The following FANCM variants were observed in gnomAD, a reference collection of about 807,000 sequenced individuals.
FANCM encodes the protein Fanconi anemia group M protein.
Under a neutral mutation model 199.5 loss-of-function variants are expected in FANCM, and 140 were observed. The observed-to-expected ratio is 0.70, with a 90% confidence interval of 0.61 to 0.81. FANCM has a LOEUF of 0.81. FANCM is among the 30% of genes least tolerant of loss of function. The pLI, the probability that FANCM is intolerant of heterozygous loss-of-function variation, is 0.00. For missense variants in FANCM, 2,410 were observed against 2,421.4 expected (o/e 1.00, Z 0.10); for synonymous variants, 840 against 836.8 (o/e 1.00, Z -0.07).
At chr14:45,137,283 T>A in intron 2 of FANCM, 42 bp downstream of exon 2, 1 of 1,558,436 alleles carries the variant, frequency 6.4e-7, no homozygotes, top group Non-Finnish European at 8.8e-7. Context: ...GTAACTGTAC[T>A]GTTAAAGAGA....
chr14:45,136,967 A>T, intron 1 of FANCM, 102 bp from the exon 2 acceptor site: 1 of 891,962 alleles, frequency 1.1e-6, no homozygotes, highest in Non-Finnish European at 1.8e-6. Flanking sequence ...TTTTTCTCTT[A>T]ATGTTACCAA....
intron 2 of FANCM, among the ~76,000 whole-genome samples, chr14:45,140,428 C>T (rs534415675): frequency 1.3e-5 from 2 of 152,236 alleles, no homozygotes; most frequent in African/African-American, 4.8e-5. Flanking sequence ...TAGAAGAAGC[C>T]CTACTGTGTT....
chr14:45,185,423 T>C (rs1297441186), intron 18 of FANCM, 50 bp downstream of exon 18: 1 of 1,055,234 alleles, frequency 9.5e-7, no homozygotes, highest in Non-Finnish European at 1.4e-6. Flanking sequence ...TTTATGTGCT[T>C]ATATTTAAAT....
chr14:45,138,811 T>C (rs959114458), intron 2 of FANCM, among the ~76,000 whole-genome samples: 3 of 152,204 alleles, frequency 2.0e-5, no homozygotes, highest in East Asian at 1.9e-4. Context: ...TTACACCGCA[T>C]TGAATATTCC....
intron 1 of FANCM, among the ~76,000 whole-genome samples, chr14:45,136,824 C>T (rs1464644493): frequency 1.3e-5 from 2 of 152,164 alleles, no homozygotes; most frequent in African/African-American, 2.4e-5. Flanking sequence ...GAAGAATTTG[C>T]CTCTCTTCAA....
At position 45,136,366 on chromosome 14, in the gene FANCM, C is replaced by T. The variant is rs1192077145; in HGVS notation, c.335C>T (p.Pro112Leu). 1 of 1,614,168 alleles carries T rather than the reference C, an allele frequency of 6.2e-7. No individual in the cohort carries two copies. The highest frequency in any genetic ancestry group is 1.7e-5 in the Admixed American group (1 of 60,020). Reference protein sequence around the residue: ...ALFCNTLVCLPTGLGKTFIAA... With the variant: ...ALFCNTLVCLLTGLGKTFIAA... ...TTTTGCAATACGCTGGTGTGTCTGC[C>T]TACCGGACTGGGAAAGACCTTTATT... is the stretch of plus-strand genomic sequence containing the variant. Residue 112 changes from proline (P) to leucine (L), a missense_variant, in exon 1 of 23, where the codon CCT becomes CTT. Pro to Leu is a moderately conservative substitution (Grantham distance 98). Coordinates refer to ENST00000267430, the MANE Select transcript of FANCM (RefSeq NM_020937.4).
chr14:45,193,826 G>C (rs1889909203), intron 20 of FANCM, among the ~76,000 whole-genome samples: 1 of 151,492 alleles, frequency 6.6e-6, no homozygotes, highest in Non-Finnish European at 1.5e-5. Flanking sequence ...TTTAGTATGA[G>C]TTTTCCCATT....
rs543888318 is a variant in FANCM, at chr14:45,184,169, TGAA to T, written c.4515+271_4515+273del. ...TGTATTGAGAATTTATGTTTCAAAT[TGAA>T]GAAAATATAGAATTAGAAATTTGAG... On this transcript the variant is annotated intron_variant, in intron 17 of 22. Coordinates refer to ENST00000267430, the MANE Select transcript of FANCM (RefSeq NM_020937.4). Among the ~76,000 whole-genome samples the T allele has an allele frequency of 6.6e-5, 10 of 152,284 alleles. No homozygotes were observed. In the South Asian group the frequency reaches 2.1e-3, roughly 32 times the overall value.
chr14:45,139,117 T>A (rs1244740997), intron 2 of FANCM, among the ~76,000 whole-genome samples: 2 of 152,208 alleles, frequency 1.3e-5, no homozygotes, highest in Non-Finnish European at 2.9e-5. Context: ...TCATGACTTT[T>A]CAAAAATCCT....
rs1243769810 is a variant in FANCM at position 45,144,321 on chromosome 14, G to A, written c.759+3612G>A. The stretch of plus-strand genomic sequence containing the variant: ...ATGTAGTGTCCCCTCCACCCCCCTC[G>A]CCCACTACCCTTCCCAGCCTCTGTA... On this transcript the variant is annotated intron_variant, in intron 3 of 22. Coordinates refer to ENST00000267430, the MANE Select transcript of FANCM (RefSeq NM_020937.4). 8.6e-5 allele frequency among the ~76,000 whole-genome samples: 8 copies of A among 92,626 alleles called. No homozygotes were observed. The South Asian group carries it at 1.0e-3, about 12-fold the overall frequency. 60.8% of individuals were successfully genotyped at this position (92,626 alleles called of 152,430 possible). A position where few individuals can be genotyped will look rare whatever the true frequency, so the allele number is the denominator to read the frequency against.
At chr14:45,170,773 C>G in intron 12 of FANCM, 27 bp downstream of exon 12, 1 of 1,587,842 alleles carries the variant, frequency 6.3e-7, no homozygotes, top group Non-Finnish European at 8.6e-7. Flanking sequence ...TTCAGATGTT[C>G]TTTTCCCCCC....
At chr14:45,188,643 A>G (rs1889560028) in intron 19 of FANCM, among the ~76,000 whole-genome samples, 159 bp from the exon 20 acceptor site, 1 of 152,190 alleles carries the variant, frequency 6.6e-6, no homozygotes, top group Admixed American at 6.5e-5. Flanking sequence ...ATTTTCCTCC[A>G]TAAAGAATGT....
intron 8 of FANCM, among the ~76,000 whole-genome samples, chr14:45,158,023 C>A (rs1887319530): frequency 6.6e-6 from 1 of 151,930 alleles, no homozygotes; most frequent in Non-Finnish European, 1.5e-5. Context: ...ATGGCAAAAC[C>A]CCGTCTCTAC....
intron 11 of FANCM, among the ~76,000 whole-genome samples, chr14:45,167,985 G>T (rs1458701674): frequency 6.6e-6 from 1 of 152,024 alleles, no homozygotes; most frequent in Non-Finnish European, 1.5e-5. Context: ...AGACTCTTAC[G>T]CTGAAAAATC....
At chr14:45,155,481 T>C (rs764958270) in intron 8 of FANCM, 22 bp downstream of exon 8, 1 of 1,230,270 alleles carries the variant, frequency 8.1e-7, no homozygotes, top group Non-Finnish European at 1.2e-6. Flanking sequence ...TTAGTAGCTT[T>C]AAGGCAAGAC....
intron 3 of FANCM, among the ~76,000 whole-genome samples, chr14:45,143,432 C>T (rs1886123224): frequency 6.6e-6 from 1 of 152,022 alleles, no homozygotes. Context: ...CCACCTGTCT[C>T]AGCCTCTCAA....
chr14:45,155,580 C>T lies in FANCM; in HGVS notation c.1396+121C>T, dbSNP rs938206416. 6.1e-5 allele frequency: 36 copies of T among 590,686 alleles called. No homozygotes were observed. The East Asian group carries it at 7.9e-4, about 13-fold the overall frequency. 36.6% of individuals were successfully genotyped at this position (590,686 alleles called of 1,614,324 possible). ...CAGCACTTTGGGAGGCCGAGGATCA[C>T]GGGAGGTCAGGAGTTCAAGACCAGC... On this transcript the variant is annotated intron_variant, in intron 8 of 22. Coordinates refer to ENST00000267430, the MANE Select transcript of FANCM (RefSeq NM_020937.4).
At chr14:45,146,387 A>G (rs1030124307) in intron 3 of FANCM, among the ~76,000 whole-genome samples, 3 of 151,322 alleles carry the variant, frequency 2.0e-5, no homozygotes, top group African/African-American at 7.3e-5. Context: ...GTCAAATTTG[A>G]TGTTCTGTGT....
intron 3 of FANCM, among the ~76,000 whole-genome samples, chr14:45,144,358 A>C: frequency 7.8e-6 from 1 of 127,428 alleles, no homozygotes; most frequent in Non-Finnish European, 1.6e-5. Context: ...TCATCCTTCT[A>C]CTCTCTATCT....
Sources: allele counts gnomAD v4.1 joint callset (sites outside exome capture counted in the v4.1 genomes callset), GRCh38; gene constraint gnomAD v4.1.1; transcripts MANE v1.5; gene names NCBI Gene and HGNC (gene_info 2026-07-23, HGNC 2026-07-21).